PIGN: variants seen among roughly 807,000 people sequenced by gnomAD.
The protein encoded by PIGN is GPI ethanolamine phosphate transferase 1.
A neutral mutation model predicts 125.4 loss-of-function variants in PIGN; 117 were observed. The ratio of observed to expected loss-of-function variants is 0.93; its 90% CI spans 0.80 to 1.09. The LOEUF is 1.09. PIGN is among the 50% of genes least tolerant of loss of function. PIGN has a pLI of 0.00. For synonymous variants in PIGN, 392 were observed against 377.8 expected, an observed-to-expected ratio of 1.04 and a Z score of -0.44; for missense variants, 1,075 against 1,094.9, an observed-to-expected ratio of 0.98 and a Z score of 0.26.
At chr18:62,100,961 T>G in intron 22 of PIGN, 114 bp downstream of exon 22, 1 of 681,444 alleles carries the variant, frequency 1.5e-6, no homozygotes, top group Non-Finnish European at 2.6e-6. Context: ...GTTATTATTA[T>G]TTTCCTGCAA....
intron 14 of PIGN, chr18:62,135,962 T>G (rs2035917744): frequency 6.6e-6 from 1 of 152,190 alleles, no homozygotes; most frequent in Admixed American, 6.5e-5. Flanking sequence ...ACTTCTTCAT[T>G]TGGTTATAGT....
chr18:62,027,070 G>A (rs1422664248), intron 23 of PIGN, among the ~76,000 whole-genome samples: 1 of 152,168 alleles, frequency 6.6e-6, no homozygotes, highest in Non-Finnish European at 1.5e-5. Flanking sequence ...GGGTGTGGTG[G>A]CAGGCACCTG....
chr18:62,028,946 C>T (rs992428713), intron 23 of PIGN, among the ~76,000 whole-genome samples: 3 of 152,222 alleles, frequency 2.0e-5, no homozygotes, highest in Non-Finnish European at 4.4e-5. Flanking sequence ...AAAAACAGCA[C>T]AGATGTTGTG....
chr18:62,137,832 TG>T (rs1833755739), intron 14 of PIGN: 1 of 159,790 alleles, frequency 6.3e-6, no homozygotes, highest in Non-Finnish European at 1.4e-5. Context: ...TATCTTCAAA[TG>T]TAAGTTGAAC....
At position 62,109,973 on chromosome 18, in the gene PIGN, T is replaced by C; in HGVS notation, c.1435A>G (p.Lys479Glu). 1 of 1,613,272 alleles carries C rather than the reference T, an allele frequency of 6.2e-7. No homozygotes were observed. The highest frequency in any genetic ancestry group is 8.5e-7 in the Non-Finnish European group (1 of 1,179,466). The stretch of plus-strand genomic sequence containing the variant: ...CTACAAGGCAGGAGATGGCTTGGTT[T>C]CTGAAAAATCAAACAAAACATTGAA... ...LIKGVSKEVK[K>E]PSHLLPCSFV... The change falls in exon 17 of 31, where the codon AAA becomes GAA. Residue 479 changes from lysine to glutamate, a missense_variant and splice_region_variant. Transcript: ENST00000640252.
chr18:62,118,885 GA>G (rs56320941), intron 14 of PIGN, among the ~76,000 whole-genome samples: 118 of 136,832 alleles, frequency 8.6e-4, no homozygotes, highest in East Asian at 5.7e-3. Context: ...GAAAAGAGGT[GA>G]AAAAAAAAAA....
chr18:62,056,054 TAAAA>T (rs766579368), intron 30 of PIGN, among the ~76,000 whole-genome samples: 1 of 97,888 alleles, frequency 1.0e-5, no homozygotes, highest in Non-Finnish European at 2.1e-5. Context: ...TTTTTGCCAC[TAAAA>T]AAAAAAAAAA....
rs184895764 is a variant in PIGN at position 62,154,487 on chromosome 18, C to T, written c.549+58G>A. On this transcript the variant is annotated intron_variant, in intron 7 of 30. Transcript: ENST00000640252. ...AAACAGAAAAAACGTGGGATACAGTCTCCAATACTTCAGGTAAAAATATGC... is the reference window on the plus strand; with the variant it reads ...AAACAGAAAAAACGTGGGATACAGTTTCCAATACTTCAGGTAAAAATATGC... 1.8e-3 allele frequency: 1,459 copies of T among 818,248 alleles called. 8 individuals are homozygous for T. In the Middle Eastern group the frequency reaches 0.027, roughly 15 times the overall value. The allele number at this position is 818,248 out of a possible 1,614,324, so 50.7% of individuals were successfully genotyped here. A position where few individuals can be genotyped will look rare whatever the true frequency, so the allele number is the denominator to read the frequency against.
intron 1 of PIGN, among the ~76,000 whole-genome samples, chr18:62,167,298 G>A (rs1247383618): frequency 0.095 from 3,141 of 33,174 alleles, 134 homozygotes; most frequent in African/African-American, 0.19. Context: ...GTGTGTGTGT[G>A]TGTGTGTGTG....
chr18:62,138,229 T>A lies in PIGN; in HGVS notation c.1172+14A>T. 1 of 1,541,022 alleles carries A rather than the reference T, an allele frequency of 6.5e-7. No individual in the cohort carries two copies. Among genetic ancestry groups the A allele is most frequent in the Non-Finnish European group, 8.7e-7 (1 of 1,144,184 alleles). ...TCTTTCCTTCAAGTTAATAAAAAAA[T>A]GTAAGGGACTTACTTAAATGGTGTA... On this transcript the variant is annotated intron_variant, in intron 14 of 30. Transcript: ENST00000640252.
chr18:62,104,277 G>A (rs950193771), intron 20 of PIGN, among the ~76,000 whole-genome samples: 2 of 151,998 alleles, frequency 1.3e-5, no homozygotes, highest in Non-Finnish European at 2.9e-5. Flanking sequence ...AGTAGAATAC[G>A]CAAGTGGCAA....
chr18:62,061,322 A>G (rs1424862443), intron 30 of PIGN, among the ~76,000 whole-genome samples: 1 of 151,946 alleles, frequency 6.6e-6, no homozygotes, highest in Non-Finnish European at 1.5e-5. Context: ...CACTATAAAC[A>G]TTACAGATAC....
chr18:62,138,342 A>C (rs781307925), intron 13 of PIGN, 44 bp from the exon 14 acceptor site: 4 of 1,508,880 alleles, frequency 2.7e-6, no homozygotes, highest in South Asian at 2.6e-5. Context: ...AAAAATAATG[A>C]ATTCCATTTT....
intron 28 of PIGN, 90 bp from the exon 29 acceptor site, chr18:62,074,911 C>A: frequency 2.4e-6 from 2 of 821,410 alleles, no homozygotes; most frequent in Non-Finnish European, 4.0e-6. Context: ...GGCAAATAAC[C>A]TAGTATTGTT....
intron 12 of PIGN, among the ~76,000 whole-genome samples, chr18:62,139,783 G>T (rs1438957122): frequency 1.3e-5 from 2 of 152,210 alleles, no homozygotes; most frequent in Admixed American, 1.3e-4. Context: ...TAGAAACTAA[G>T]GTATAATGCT....
intron 7 of PIGN, among the ~76,000 whole-genome samples, chr18:62,150,879 T>G (rs1183792623): frequency 6.6e-6 from 1 of 152,040 alleles, no homozygotes; most frequent in East Asian, 1.9e-4. Flanking sequence ...TTTTTGTATT[T>G]TTAGTAGAGA....
intron 11 of PIGN, 131 bp from the exon 12 acceptor site, chr18:62,140,610 A>C (rs902847972): frequency 8.4e-6 from 4 of 476,292 alleles, no homozygotes; most frequent in African/African-American, 4.0e-5. Flanking sequence ...ACATGTATTT[A>C]ATAAAAAAGA....
At chr18:62,155,576 A>G (rs1397321217) in intron 6 of PIGN, among the ~76,000 whole-genome samples, 1 of 152,190 alleles carries the variant, frequency 6.6e-6, no homozygotes, top group Non-Finnish European at 1.5e-5. Context: ...TCTCAAAAAA[A>G]CAAAAACAAA....
chr18:62,138,918 A>G, intron 13 of PIGN, 65 bp downstream of exon 13: 1 of 768,288 alleles, frequency 1.3e-6, no homozygotes. Flanking sequence ...TTCCCTAAAT[A>G]TATTCAATAT....
Sources: gnomAD v4.1 joint callset for allele counts (sites outside exome capture counted in the v4.1 genomes callset) on GRCh38, gnomAD v4.1.1 for gene constraint, MANE v1.5 for transcripts, NCBI Gene and HGNC (gene_info 2026-07-23, HGNC 2026-07-21) for gene names.